Variants in SUSD1 observed in about 807,000 individuals in gnomAD.
The protein encoded by SUSD1 is sushi domain-containing protein 1.
In SUSD1, 65 loss-of-function variants were observed where a neutral mutation model predicts 86.9. That is an observed-to-expected ratio of 0.75 (90% CI 0.61 to 0.92). The LOEUF is 0.92. Among genes scored for constraint, SUSD1 ranks in the 40% least tolerant of loss-of-function variants. The probability of loss-of-function intolerance (pLI) is 0.00; values close to 1 mark genes in which losing one functional copy is unlikely to be tolerated. For missense variants in SUSD1, 850 were observed against 929.7 expected (o/e 0.91, Z 1.11); for synonymous variants, 346 against 350.0 (o/e 0.99, Z 0.13).
At chr9:112,108,984 A>T (rs1185880119) in intron 8 of SUSD1, among the ~76,000 whole-genome samples, 2 of 152,088 alleles carry the variant, frequency 1.3e-5, no homozygotes, top group Non-Finnish European at 2.9e-5. Flanking sequence ...AAAGAGAAAG[A>T]ACCAAACTTA....
Position 112,098,585 on chromosome 9 carries a change from T to C in SUSD1, c.1359A>G (p.Gln453=), listed in dbSNP as rs556597616. Residue 453 remains glutamine, a synonymous_variant, in exon 10 of 17, where the codon CAA becomes CAG. Coordinates refer to ENST00000374270, the MANE Select transcript of SUSD1 (RefSeq NM_022486.5). The part of the protein sequence containing the change: ...ATSFNFTTRE[Q]VPVVCLDLYP... ...ACAGATCCAAACACACTACAGGCAC[T>C]TGTTCCCTCGTTGTGAAGTTAAACG... The C allele has an allele frequency of 1.2e-6, 2 of 1,614,186 alleles. No homozygotes were observed. The highest frequency in any genetic ancestry group is 2.2e-5 in the South Asian group (2 of 91,086).
intron 1 of SUSD1, among the ~76,000 whole-genome samples, chr9:112,165,938 G>GA (rs749846161): frequency 2.9e-5 from 3 of 104,682 alleles, no homozygotes; most frequent in East Asian, 5.1e-4. Flanking sequence ...AAGAAAGAAA[G>GA]AAAGAAGAAA....
intron 1 of SUSD1, among the ~76,000 whole-genome samples, chr9:112,164,758 C>G (rs570818020): frequency 5.3e-5 from 8 of 152,224 alleles, no homozygotes; most frequent in Admixed American, 1.3e-4. Context: ...TCCTGGCTAA[C>G]ACGGTGAAAC....
At chr9:112,128,986 G>A (rs1304620208) in intron 5 of SUSD1, among the ~76,000 whole-genome samples, 3 of 152,120 alleles carry the variant, frequency 2.0e-5, no homozygotes, top group African/African-American at 7.2e-5. Context: ...TTAAGTACGG[G>A]AATGAAAAAT....
chr9:112,155,143 C>T (rs1452668422), intron 2 of SUSD1, among the ~76,000 whole-genome samples: 2 of 151,604 alleles, frequency 1.3e-5, no homozygotes, highest in Non-Finnish European at 2.9e-5. Flanking sequence ...CCTAGCTACT[C>T]GGGAGGCTGA....
At position 112,138,255 on chromosome 9, in the gene SUSD1, A is replaced by ACACATATATATATATATATATATG. The variant is rs1832383591; in HGVS notation, c.706+4064_706+4065insCATATATATATATATATATATGTG. Among the ~76,000 whole-genome samples the ACACATATATATATATATATATATG allele has an allele frequency of 2.0e-5, 2 of 101,020 alleles. 1 individual carries two copies. The highest frequency in any genetic ancestry group is 8.5e-5 in the African/African-American group (2 of 23,536). 66.3% of individuals were successfully genotyped at this position (101,020 alleles called of 152,430 possible). A position where few individuals can be genotyped will look rare whatever the true frequency, so the allele number is the denominator to read the frequency against. ...AAAATGTGTATATATATATATATAT[A>ACACATATATATATATATATATATG]TGTGTATATACATATATATATATAT... On this transcript the variant is annotated intron_variant, in intron 5 of 16. Transcript: ENST00000374270.
chr9:112,171,615 A>G (rs1309246745), intron 1 of SUSD1, among the ~76,000 whole-genome samples: 1 of 152,172 alleles, frequency 6.6e-6, no homozygotes, highest in Non-Finnish European at 1.5e-5. Context: ...GCACTCATTA[A>G]GTAGCCCGCC....
intron 5 of SUSD1, among the ~76,000 whole-genome samples, chr9:112,138,239 A>G (rs1273503060): frequency 3.2e-4 from 35 of 107,772 alleles, no homozygotes; most frequent in Non-Finnish European, 4.3e-4. Flanking sequence ...AAAAATGTGT[A>G]TATATATATA....
At position 112,138,244 on chromosome 9, in the gene SUSD1, T is replaced by TATATATATATATGTATATACAC. The variant is rs1564328824; in HGVS notation, c.706+4075_706+4076insGTGTATATACATATATATATAT. ...ATCTCAAAAAAAAAATGTGTATATA[T>TATATATATATATGTATATACAC]ATATATATATATGTGTATATACATA... On this transcript the variant is annotated intron_variant, in intron 5 of 16. Transcript: ENST00000374270. Among the ~76,000 whole-genome samples, 54 of 98,204 alleles carry TATATATATATATGTATATACAC rather than the reference T, an allele frequency of 5.5e-4. 2 individuals carry two copies. The highest frequency in any genetic ancestry group is 2.5e-3 in the East Asian group (7 of 2,764). 64.4% of individuals were successfully genotyped at this position (98,204 alleles called of 152,430 possible).
rs2281788 is a variant in SUSD1, at chr9:112,041,006, C to T, written c.*486G>A. ...CGTCACTGTTCTCTTTTTCAATGAC[C>T]TCCTTCATAAAGTCAAACTCTAGCC... is the stretch of plus-strand genomic sequence containing the variant. On this transcript the variant is annotated 3_prime_UTR_variant, in exon 17 of 17. Transcript: ENST00000374270. 0.076 allele frequency: 13,039 copies of T among 171,944 alleles called. 895 individuals are homozygous for T. Among genetic ancestry groups the T allele is most frequent in the East Asian group, 0.29 (1,820 of 6,348 alleles). 10.7% of individuals were successfully genotyped at this position (171,944 alleles called of 1,614,324 possible). A position where few individuals can be genotyped will look rare whatever the true frequency, so the allele number is the denominator to read the frequency against.
At chr9:112,063,149 C>G (rs563355009) in intron 12 of SUSD1, 116 bp from the exon 13 acceptor site, 7 of 615,378 alleles carry the variant, frequency 1.1e-5, no homozygotes, top group African/African-American at 7.3e-5. Flanking sequence ...AAGCGAGGAG[C>G]CTATTCTGTA....
chr9:112,070,782 C>T (rs1829233999), intron 12 of SUSD1, among the ~76,000 whole-genome samples: 1 of 152,054 alleles, frequency 6.6e-6, no homozygotes, highest in Non-Finnish European at 1.5e-5. Context: ...AGTACACGCA[C>T]AGGACAGACA....
intron 1 of SUSD1, among the ~76,000 whole-genome samples, chr9:112,157,883 G>A (rs1196933212): frequency 6.7e-6 from 1 of 149,220 alleles, no homozygotes; most frequent in Non-Finnish European, 1.5e-5. Flanking sequence ...GAGTGCAGTG[G>A]TACAATCACA....
At chr9:112,080,831 G>A (rs927075842) in intron 10 of SUSD1, among the ~76,000 whole-genome samples, 2 of 152,110 alleles carry the variant, frequency 1.3e-5, no homozygotes, top group East Asian at 1.9e-4. Context: ...GTGTCGGTTC[G>A]AAATTCTGAG....
At chr9:112,082,665 A>C (rs1445217824) in intron 10 of SUSD1, among the ~76,000 whole-genome samples, 1 of 152,036 alleles carries the variant, frequency 6.6e-6, no homozygotes, top group Non-Finnish European at 1.5e-5. Flanking sequence ...CTGATTTCAC[A>C]CTTCCGACCT....
chr9:112,064,052 G>T (rs1395125361), intron 12 of SUSD1, among the ~76,000 whole-genome samples: 1 of 139,862 alleles, frequency 7.1e-6, no homozygotes, highest in Non-Finnish European at 1.6e-5. Flanking sequence ...TTTTTGGGGG[G>T]GGGGCGGGTG....
chr9:112,172,786 A>C (rs1222650656), intron 1 of SUSD1, among the ~76,000 whole-genome samples: 1 of 152,160 alleles, frequency 6.6e-6, no homozygotes, highest in South Asian at 2.1e-4. Flanking sequence ...CTGTGGGCCC[A>C]GTCCTCAGAA....
chr9:112,121,877 G>C (rs1831569223), intron 6 of SUSD1, among the ~76,000 whole-genome samples: 1 of 152,204 alleles, frequency 6.6e-6, no homozygotes, highest in Non-Finnish European at 1.5e-5. Flanking sequence ...TTGTTCCTCA[G>C]AGGCAGAGGT....
intron 15 of SUSD1, among the ~76,000 whole-genome samples, chr9:112,049,282 C>G (rs550059460): frequency 6.6e-6 from 1 of 152,276 alleles, no homozygotes; most frequent in Non-Finnish European, 1.5e-5. Flanking sequence ...GAGAATGTTC[C>G]CCGATTACAG....
Sources: allele counts gnomAD v4.1 joint callset (sites outside exome capture counted in the v4.1 genomes callset), GRCh38; gene constraint gnomAD v4.1.1; transcripts MANE v1.5; gene names NCBI Gene and HGNC (gene_info 2026-07-23, HGNC 2026-07-21).